The following WDPCP variants were observed in gnomAD, a reference collection of about 807,000 sequenced individuals.
WDPCP encodes WD repeat containing planar cell polarity effector, also known as WD repeat-containing and planar cell polarity effector protein fritz homolog.
WDPCP carries 71 observed loss-of-function variants against 93.1 expected under a neutral mutation model. The observed-to-expected ratio is 0.76, with a 90% CI of 0.63 to 0.93. The LOEUF is 0.93. WDPCP is among the 40% of genes least tolerant of loss of function. The pLI is 0.00. For synonymous variants in WDPCP, 315 were observed against 315.0 expected, an observed-to-expected ratio of 1.00 and a Z score of 0.00; for missense variants, 844 against 887.4, an observed-to-expected ratio of 0.95 and a Z score of 0.62.
chr2:63,360,318 T>C (rs1269082011), intron 12 of WDPCP, among the ~76,000 whole-genome samples: 3 of 152,230 alleles, frequency 2.0e-5, no homozygotes, highest in African/African-American at 7.2e-5. Flanking sequence ...AGCACCAATA[T>C]TGCACAGTTA....
chr2:63,436,850 A>G (rs1697167093), intron 8 of WDPCP, among the ~76,000 whole-genome samples: 1 of 152,112 alleles, frequency 6.6e-6, no homozygotes, highest in Non-Finnish European at 1.5e-5. Context: ...TAATAGATGT[A>G]AAGCTCCTGA....
At chr2:63,278,837 A>T (rs1361196909) in intron 13 of WDPCP, among the ~76,000 whole-genome samples, 1 of 152,202 alleles carries the variant, frequency 6.6e-6, no homozygotes, top group Non-Finnish European at 1.5e-5. Context: ...ACAGAAAAAG[A>T]TTATTCAAGG....
intron 12 of WDPCP, chr2:63,369,483 A>G (rs956420942): frequency 8.8e-6 from 4 of 456,554 alleles, no homozygotes; most frequent in East Asian, 6.9e-5. Context: ...CAGAGAAGAC[A>G]GCGAGGAGTT....
At chr2:63,370,821 T>G (rs935276031) in intron 12 of WDPCP, among the ~76,000 whole-genome samples, 2 of 152,154 alleles carry the variant, frequency 1.3e-5, no homozygotes, top group African/African-American at 4.8e-5. Flanking sequence ...TGCTTTTTTT[T>G]CTGTTTGACT....
At chr2:63,748,191 T>G (rs1348457252) in intron 2 of WDPCP, among the ~76,000 whole-genome samples, 1 of 151,732 alleles carries the variant, frequency 6.6e-6, no homozygotes, top group Non-Finnish European at 1.5e-5. Context: ...CAGTATTATT[T>G]GAAAGCAATG....
chr2:63,169,551 T>A (rs560108697), intron 15 of WDPCP, among the ~76,000 whole-genome samples: 1 of 152,334 alleles, frequency 6.6e-6, no homozygotes, highest in South Asian at 2.1e-4. Context: ...TTAAAAAATG[T>A]TTAGGGCCTT....
chr2:63,205,802 T>C (rs1415665523), intron 14 of WDPCP, among the ~76,000 whole-genome samples: 2 of 152,220 alleles, frequency 1.3e-5, no homozygotes, highest in Non-Finnish European at 2.9e-5. Context: ...CTTTCCAATA[T>C]GGATGCCCTT....
In WDPCP at chr2:63,321,623, T is replaced by A. The variant is rs1687101832; in HGVS notation, c.1749-8312A>T. The stretch of plus-strand genomic sequence containing the variant: ...TTATTTGGTACACGGATATAACTTT[T>A]TTTTATTATGAAAGGTAGCCCACAG... On this transcript the variant is annotated intron_variant, in intron 12 of 17. Coordinates refer to ENST00000272321, the MANE Select transcript of WDPCP (RefSeq NM_015910.7). Among the ~76,000 whole-genome samples, 3 of 152,200 alleles carry A rather than the reference T, an allele frequency of 2.0e-5. No homozygotes were observed. In the South Asian group the frequency reaches 6.2e-4, roughly 31 times the overall value.
At chr2:63,127,561 C>T (rs1457612688) in intron 17 of WDPCP, among the ~76,000 whole-genome samples, 1 of 151,162 alleles carries the variant, frequency 6.6e-6, no homozygotes, top group African/African-American at 2.4e-5. Flanking sequence ...GTAGCAAACA[C>T]AAAAATTGCT....
intron 17 of WDPCP, among the ~76,000 whole-genome samples, chr2:63,151,521 A>ATGT (rs970630224): frequency 1.3e-5 from 2 of 152,148 alleles, no homozygotes; most frequent in Non-Finnish European, 2.9e-5. Flanking sequence ...CCTGGCCAGG[A>ATGT]TGTTGTTGTT....
intron 1 of WDPCP, among the ~76,000 whole-genome samples, chr2:63,536,908 G>C (rs1386437237): frequency 1.3e-5 from 2 of 151,688 alleles, no homozygotes; most frequent in Non-Finnish European, 2.9e-5. Flanking sequence ...TGGGATTACA[G>C]GCATGCACCC....
In WDPCP at chr2:63,120,824, G is replaced by A. The variant is rs1011530913; in HGVS notation, c.*1182C>T. Among the ~76,000 whole-genome samples, 8 of 151,978 alleles carry A rather than the reference G, an allele frequency of 5.3e-5. No homozygotes were observed. The highest frequency in any genetic ancestry group is 3.9e-4 in the East Asian group (2 of 5,148). On this transcript the variant is annotated 3_prime_UTR_variant, in exon 18 of 18. Transcript: ENST00000272321. ...GCTGGGATTACAGGCGTGAGCCACC[G>A]TGCCTGGCCTATAGATGTCTATAAT...
At chr2:63,619,034 T>G (rs916832780) in intron 3 of WDPCP, among the ~76,000 whole-genome samples, 1 of 152,164 alleles carries the variant, frequency 6.6e-6, no homozygotes, top group African/African-American at 2.4e-5. Context: ...TTGTATGGTG[T>G]GAAGAGGATC....
At chr2:63,487,545 A>G (rs1306613286) in intron 2 of WDPCP, 51 bp from the exon 3 acceptor site, 1 of 1,375,008 alleles carries the variant, frequency 7.3e-7, no homozygotes, top group Non-Finnish European at 1.0e-6. Flanking sequence ...GTCCCAGAGA[A>G]TAAGAAGCCA....
At chr2:63,752,348 C>T in intron 2 of WDPCP, 1 of 783,036 alleles carries the variant, frequency 1.3e-6, no homozygotes. Flanking sequence ...GGCACCTGGT[C>T]TTTGAGAACC....
At chr2:63,680,350 C>A (rs1020195032) in intron 2 of WDPCP, among the ~76,000 whole-genome samples, 1 of 152,200 alleles carries the variant, frequency 6.6e-6, no homozygotes, top group Non-Finnish European at 1.5e-5. Context: ...CATTCAGCAG[C>A]GGCTGCACAG....
At chr2:63,470,464 A>T (rs1416986515) in intron 6 of WDPCP, among the ~76,000 whole-genome samples, 1 of 151,810 alleles carries the variant, frequency 6.6e-6, no homozygotes, top group Non-Finnish European at 1.5e-5. Flanking sequence ...TTTCCTCTAT[A>T]CCCCACATTT....
chr2:63,257,055 G>C (rs145645524), intron 14 of WDPCP, among the ~76,000 whole-genome samples: 197 of 152,194 alleles, frequency 1.3e-3, no homozygotes, highest in Middle Eastern at 3.4e-3. Context: ...GCACTTTTCT[G>C]TATGCATGTT....
At chr2:63,167,126 C>T (rs1478090828) in intron 15 of WDPCP, among the ~76,000 whole-genome samples, 4 of 152,180 alleles carry the variant, frequency 2.6e-5, no homozygotes, top group Non-Finnish European at 5.9e-5. Context: ...TATTGGACCA[C>T]AGCCACATCG....
Sources: gnomAD v4.1 joint callset for allele counts (sites outside exome capture counted in the v4.1 genomes callset) on GRCh38, gnomAD v4.1.1 for gene constraint, MANE v1.5 for transcripts, NCBI Gene and HGNC (gene_info 2026-07-23, HGNC 2026-07-21) for gene names.